The following TNFSF4 variants were observed in gnomAD, a reference collection of about 807,000 sequenced individuals.
TNFSF4 encodes tumor necrosis factor ligand superfamily member 4.
Under a neutral mutation model 7.3 loss-of-function variants are expected in TNFSF4, and 4 were observed. That is an observed-to-expected ratio of 0.55 (90% confidence interval 0.27 to 1.25). The LOEUF is 1.25. Ranked by LOEUF, TNFSF4 falls within the 50% of genes most tolerant of loss-of-function variation. The probability of loss-of-function intolerance (pLI) is 0.12; values close to 1 mark genes in which losing one functional copy is unlikely to be tolerated. For synonymous variants in TNFSF4, 76 were observed against 83.7 expected, an observed-to-expected ratio of 0.91 and a Z score of 0.50; for missense variants, 181 against 208.8, an observed-to-expected ratio of 0.87 and a Z score of 0.82.
chr1:173,415,970 G>T, the TNFSF4 span, among the ~76,000 whole-genome samples: 4 of 152,156 alleles, frequency 2.6e-5, no homozygotes, highest in African/African-American at 9.7e-5. Context: ...TCATGATGTG[G>T]GACTGCCAGG....
chr1:173,339,070 GAC>G, the TNFSF4 span, among the ~76,000 whole-genome samples: 1 of 152,118 alleles, frequency 6.6e-6, no homozygotes, highest in Non-Finnish European at 1.5e-5. Flanking sequence ...CCTCAGGAAT[GAC>G]AGTTTGGATC....
the TNFSF4 span, among the ~76,000 whole-genome samples, chr1:173,380,904 C>A: frequency 6.6e-6 from 1 of 152,132 alleles, no homozygotes; most frequent in African/African-American, 2.4e-5. Flanking sequence ...TGTGGAACGT[C>A]GACCTATATC....
At chr1:173,224,021 C>T in the TNFSF4 span, among the ~76,000 whole-genome samples, 3 of 152,174 alleles carry the variant, frequency 2.0e-5, no homozygotes, top group Admixed American at 2.0e-4. Flanking sequence ...CAGGTGATTT[C>T]CTCCTCAGAA....
the TNFSF4 span, among the ~76,000 whole-genome samples, chr1:173,361,141 A>G: frequency 6.6e-6 from 1 of 152,236 alleles, no homozygotes; most frequent in Admixed American, 6.5e-5. Context: ...CCTTAAAAGC[A>G]TGCTTGAATA....
At chr1:173,416,608 T>TTTTTTTTTATTTATTTATTTA in the TNFSF4 span, among the ~76,000 whole-genome samples, 1 of 121,942 alleles carries the variant, frequency 8.2e-6, no homozygotes, top group African/African-American at 3.1e-5. Flanking sequence ...ATTTTTTTAT[T>TTTTTTTTTATTTATTTATTTA]TTTATTTATT....
chr1:173,297,527 A>C, the TNFSF4 span, among the ~76,000 whole-genome samples: 3 of 151,974 alleles, frequency 2.0e-5, no homozygotes, highest in South Asian at 2.1e-4. Context: ...CTTTGTTGAA[A>C]TTATCCTGGC....
chr1:173,435,577 C>A, the TNFSF4 span, among the ~76,000 whole-genome samples: 1 of 152,324 alleles, frequency 6.6e-6, no homozygotes, highest in East Asian at 1.9e-4. Context: ...TGATCTTGAA[C>A]CTGTCAGCAT....
the TNFSF4 span, among the ~76,000 whole-genome samples, chr1:173,228,964 T>G: frequency 6.6e-6 from 1 of 152,318 alleles, no homozygotes; most frequent in African/African-American, 2.4e-5. Flanking sequence ...CTGGTGTACC[T>G]GAAAGTGACG....
the TNFSF4 span, chr1:173,362,604 G>C: frequency 4.0e-6 from 2 of 500,918 alleles, no homozygotes; most frequent in Non-Finnish European, 7.9e-6. Flanking sequence ...CCAACTCCTG[G>C]GTAAGTTTTG....
chr1:173,202,070 T>TATATATATATATATACACACA lies in TNFSF4; in HGVS notation c.153+4953_153+4954insTGTGTGTATATATATATATAT, dbSNP rs150074641. ...CTATATATATATACATATATATATA[T>TATATATATATATATACACACA]ACACACACACATACACATATATATA... On this transcript the variant is annotated intron_variant, in intron 1 of 2. Transcript: ENST00000281834. Among the ~76,000 whole-genome samples the TATATATATATATATACACACA allele has an allele frequency of 4.4e-4, 66 of 149,650 alleles. No individual in the cohort carries two copies. The East Asian group carries it at 0.012, about 28-fold the overall frequency.
the TNFSF4 span, among the ~76,000 whole-genome samples, chr1:173,172,875 T>A: frequency 6.6e-6 from 1 of 152,218 alleles, no homozygotes; most frequent in African/African-American, 2.4e-5. Flanking sequence ...CTGGGTAATT[T>A]ATAAAGGAAA....
chr1:173,188,533 C>A lies in TNFSF4; in HGVS notation c.190G>T (p.Val64Leu). 6.2e-7 allele frequency: 1 copy of A among 1,611,766 alleles called. No homozygotes were observed. The change falls in exon 2 of 3, where the codon GTA (valine) becomes TTA (leucine). Residue 64 changes from valine to leucine, a missense_variant. Coordinates refer to ENST00000281834, the MANE Select transcript of TNFSF4 (RefSeq NM_003326.5). ...HRYPRIQSIK[V>L]QFTEYKKEKG... is the part of the protein sequence containing the mutation. ...TGACAATACTTACCGGTAAATTGTA[C>A]TTTGATACTTTGAATTCGAGGATAC...
At chr1:173,393,136 C>G in the TNFSF4 span, among the ~76,000 whole-genome samples, 1 of 152,108 alleles carries the variant, frequency 6.6e-6, no homozygotes, top group South Asian at 2.1e-4. Context: ...ATGAGGGCAC[C>G]AAGCTCCTAA....
chr1:173,373,876 T>G, the TNFSF4 span, among the ~76,000 whole-genome samples: 1 of 152,204 alleles, frequency 6.6e-6, no homozygotes, highest in East Asian at 1.9e-4. Flanking sequence ...ATTCCTAGAT[T>G]TGAGCTTCCC....
chr1:173,410,103 A>G, the TNFSF4 span, among the ~76,000 whole-genome samples: 1 of 152,134 alleles, frequency 6.6e-6, no homozygotes, highest in East Asian at 1.9e-4. Flanking sequence ...CATCTCTACA[A>G]AAAATCAAAA....
chr1:173,181,418 A>T (rs914842916), downstream of TNFSF4, among the ~76,000 whole-genome samples: 1 of 152,206 alleles, frequency 6.6e-6, no homozygotes, highest in South Asian at 2.1e-4. Flanking sequence ...ACTCCAGGGA[A>T]ATCCAAATGC....
chr1:173,383,035 A>T, the TNFSF4 span, among the ~76,000 whole-genome samples: 1 of 152,212 alleles, frequency 6.6e-6, no homozygotes, highest in Non-Finnish European at 1.5e-5. Flanking sequence ...TCTCTGTTTG[A>T]CACTGTTTCA....
the TNFSF4 span, among the ~76,000 whole-genome samples, chr1:173,442,557 T>G: frequency 7.0e-6 from 1 of 143,866 alleles, no homozygotes; most frequent in African/African-American, 2.5e-5. Context: ...TTTTGTTTTT[T>G]TTTTTTTTTT....
chr1:173,223,464 T>A, the TNFSF4 span, among the ~76,000 whole-genome samples: 1 of 151,164 alleles, frequency 6.6e-6, no homozygotes, highest in African/African-American at 2.4e-5. Flanking sequence ...CCAAAAAAAA[T>A]AAGCTAAAGA....
Sources: allele counts gnomAD v4.1 joint callset (sites outside exome capture counted in the v4.1 genomes callset), GRCh38; gene constraint gnomAD v4.1.1; transcripts MANE v1.5; gene names NCBI Gene and HGNC (gene_info 2026-07-23, HGNC 2026-07-21).